The following TTC28 variants were observed in gnomAD, a reference collection of about 807,000 sequenced individuals.
TTC28 encodes the protein tetratricopeptide repeat protein 28.
In TTC28, 61 loss-of-function variants were observed where a neutral mutation model predicts 198.0. The ratio of observed to expected loss-of-function variants is 0.31; its 90% CI spans 0.25 to 0.38. The LOEUF is 0.38. TTC28 is among the 10% of genes least tolerant of loss of function. TTC28 has a pLI of 1.00. For missense variants in TTC28, 2,678 were observed against 3,164.0 expected (o/e 0.85, Z 3.69); for synonymous variants, 1,171 against 1,297.8 (o/e 0.90, Z 2.10).
At chr22:28,294,586 C>A (rs1057499257) in intron 5 of TTC28, among the ~76,000 whole-genome samples, 1 of 151,326 alleles carries the variant, frequency 6.6e-6, no homozygotes. Flanking sequence ...CTTTCCCCCC[C>A]AAGATGGAGT....
intron 5 of TTC28, among the ~76,000 whole-genome samples, chr22:28,249,354 G>C (rs1018669756): frequency 6.6e-6 from 1 of 152,088 alleles, no homozygotes; most frequent in Non-Finnish European, 1.5e-5. Flanking sequence ...ATATATGTAA[G>C]CTCTAATTAT....
intron 14 of TTC28, among the ~76,000 whole-genome samples, chr22:28,010,948 A>T (rs1938134489): frequency 6.6e-6 from 1 of 152,166 alleles, no homozygotes; most frequent in Admixed American, 6.5e-5. Flanking sequence ...GCTGCTGGGG[A>T]CACAGAGATG....
At chr22:28,333,812 T>G in intron 2 of TTC28, among the ~76,000 whole-genome samples, 1 of 152,070 alleles carries the variant, frequency 6.6e-6, no homozygotes, top group Admixed American at 6.6e-5. Context: ...ACCGAACTTG[T>G]GAAACACCTA....
chr22:28,612,974 A>G (rs2050843947), intron 2 of TTC28, among the ~76,000 whole-genome samples: 1 of 152,178 alleles, frequency 6.6e-6, no homozygotes, highest in Admixed American at 6.5e-5. Flanking sequence ...ACAAGAAATA[A>G]CTAAGATCAG....
intron 2 of TTC28, among the ~76,000 whole-genome samples, chr22:28,373,905 G>GA (rs901041826): frequency 2.6e-5 from 4 of 152,006 alleles, no homozygotes; most frequent in Non-Finnish European, 5.9e-5. Context: ...CTATTTTTCA[G>GA]AAAAAAATGG....
At chr22:28,285,779 T>C (rs1449843115) in intron 5 of TTC28, among the ~76,000 whole-genome samples, 3 of 152,184 alleles carry the variant, frequency 2.0e-5, no homozygotes, top group African/African-American at 7.2e-5. Context: ...GCAATCCCAC[T>C]TCTCAGATGC....
intron 5 of TTC28, among the ~76,000 whole-genome samples, chr22:28,201,076 T>C (rs1925891656): frequency 6.6e-6 from 1 of 152,190 alleles, no homozygotes. Context: ...TAGAGTTGGA[T>C]AGTGTTATCT....
At chr22:28,105,886 T>TTGTGAC in intron 7 of TTC28, 84 bp from the exon 8 acceptor site, 2 of 1,424,702 alleles carry the variant, frequency 1.4e-6, no homozygotes, top group South Asian at 3.0e-5. Flanking sequence ...TGAAAAGCAT[T>TTGTGAC]TGTCACTGTC....
intron 16 of TTC28, 118 bp downstream of exon 16, chr22:27,998,422 C>G (rs921560875): frequency 2.8e-5 from 40 of 1,426,328 alleles, no homozygotes; most frequent in African/African-American, 1.4e-5. Context: ...CCTGAGTCTT[C>G]TGTGGCTGGC....
At chr22:28,060,600 G>A (rs1025649784) in intron 12 of TTC28, among the ~76,000 whole-genome samples, 22 of 152,108 alleles carry the variant, frequency 1.4e-4, no homozygotes, top group African/African-American at 4.8e-4. Context: ...ATAATCCTTT[G>A]GGTATATACC....
chr22:28,546,376 G>A (rs935139135), intron 2 of TTC28, among the ~76,000 whole-genome samples: 7 of 152,180 alleles, frequency 4.6e-5, no homozygotes, highest in African/African-American at 1.7e-4. Flanking sequence ...AACCCGGGAG[G>A]CGGGGGTTGC....
chr22:28,133,612 G>A (rs1376587870), intron 6 of TTC28, among the ~76,000 whole-genome samples: 3 of 152,186 alleles, frequency 2.0e-5, no homozygotes, highest in African/African-American at 7.2e-5. Context: ...CTCCCTCATT[G>A]CTAGCACAGC....
At chr22:28,063,633 T>C (rs927719277) in intron 12 of TTC28, among the ~76,000 whole-genome samples, 2 of 152,212 alleles carry the variant, frequency 1.3e-5, no homozygotes, top group South Asian at 4.1e-4. Context: ...GTAATATGCA[T>C]TGCTGCATAA....
chr22:28,421,870 G>GAATCACCT (rs2047259493), intron 2 of TTC28, among the ~76,000 whole-genome samples: 1 of 151,324 alleles, frequency 6.6e-6, no homozygotes, highest in African/African-American at 2.4e-5. Context: ...GGTAGGCGGA[G>GAATCACCT]GTTGCAGTGA....
chr22:28,601,836 C>T (rs2050644294), intron 2 of TTC28, among the ~76,000 whole-genome samples: 1 of 150,714 alleles, frequency 6.6e-6, no homozygotes, highest in African/African-American at 2.4e-5. Flanking sequence ...ATGTAGCTCT[C>T]TCCAGTTTTA....
intron 2 of TTC28, among the ~76,000 whole-genome samples, chr22:28,356,809 C>T (rs1314132807): frequency 2.0e-5 from 3 of 152,132 alleles, no homozygotes; most frequent in East Asian, 1.9e-4. Flanking sequence ...GTTCACGTCC[C>T]AGCACATGCT....
intron 2 of TTC28, among the ~76,000 whole-genome samples, chr22:28,369,223 C>A (rs2046292589): frequency 6.6e-6 from 1 of 152,040 alleles, no homozygotes; most frequent in Admixed American, 6.6e-5. Flanking sequence ...ATGGTACTAG[C>A]ATAGAGACAC....
chr22:28,489,081 TGAGA>T (rs2048344268), intron 2 of TTC28, among the ~76,000 whole-genome samples: 1 of 152,042 alleles, frequency 6.6e-6, no homozygotes, highest in Admixed American at 6.6e-5. Flanking sequence ...GCCAGGAGCT[TGAGA>T]CCAGCCTGGG....
chr22:28,163,063 T>A, intron 6 of TTC28, 29 bp downstream of exon 6: 1 of 1,514,820 alleles, frequency 6.6e-7, no homozygotes. Context: ...GACTTTGACC[T>A]GGGCTCTTAC....
Sources: gnomAD v4.1 joint callset for allele counts (sites outside exome capture counted in the v4.1 genomes callset) on GRCh38, gnomAD v4.1.1 for gene constraint, MANE v1.5 for transcripts, NCBI Gene and HGNC (gene_info 2026-07-23, HGNC 2026-07-21) for gene names.